The following SV2B variants were observed in gnomAD, a reference collection of about 807,000 sequenced individuals.
SV2B encodes the protein solute carrier family 22 member B2.
SV2B carries 41 observed loss-of-function variants against 73.9 expected under a neutral mutation model. That is an observed-to-expected ratio of 0.56 (90% CI 0.43 to 0.72). The LOEUF (loss-of-function observed/expected upper bound fraction) is 0.72. Ranked by LOEUF, SV2B falls within the 30% of genes least tolerant of loss-of-function variation. The pLI is 0.00. For synonymous variants in SV2B, 314 were observed against 314.2 expected, an observed-to-expected ratio of 1.00 and a Z score of 0.01; for missense variants, 764 against 857.8, an observed-to-expected ratio of 0.89 and a Z score of 1.37.
Position 91,266,653 on chromosome 15 carries a change from C to T in SV2B, c.1080C>T (p.Tyr360=), listed in dbSNP as rs1596737479. ...TCCAAAGTTCAACAGGAACCTGGTA[C>T]CAGCGCTGGCTGGTCAGATTCAAGA... ...IEIQSSTGTW[Y]QRWLVRFKTI... Residue 360 remains tyrosine (Y), a synonymous_variant, in exon 7 of 13, where the codon TAC becomes TAT. Transcript: ENST00000394232. 6.2e-7 allele frequency: 1 copy of T among 1,613,946 alleles called. No homozygotes were observed. The highest frequency in any genetic ancestry group is 1.7e-5 in the Admixed American group (1 of 59,998).
chr15:91,250,768 A>T (rs150433224), intron 2 of SV2B, among the ~76,000 whole-genome samples: 2 of 152,234 alleles, frequency 1.3e-5, no homozygotes, highest in African/African-American at 4.8e-5. Flanking sequence ...AAAGGTCTTT[A>T]TACTGAAAAC....
In SV2B at chr15:91,281,634, C is replaced by G. The variant is rs148288241; in HGVS notation, c.1374-94C>G. Reference sequence around the variant, plus strand: ...AATGCTCTGGCACCTTTTGCTTGCACATCTCCTTTTTCTGCCTTGCTGTGT... The same window carrying G: ...AATGCTCTGGCACCTTTTGCTTGCAGATCTCCTTTTTCTGCCTTGCTGTGT... On this transcript the variant is annotated intron_variant, in intron 9 of 12. Transcript: ENST00000394232. This position sits in a 1 kb window ranked among gnomAD's most constrained non-coding sequence, Gnocchi z 4.7. 56 of 1,425,666 alleles carry G rather than the reference C, an allele frequency of 3.9e-5. No individual in the cohort carries two copies. The African/African-American group carries it at 6.9e-4, about 18-fold the overall frequency. The allele number at this position is 1,425,666 out of a possible 1,614,324, so 88.3% of individuals were successfully genotyped here. A position where few individuals can be genotyped will look rare whatever the true frequency, so the allele number is the denominator to read the frequency against.
At chr15:91,147,627 T>G (rs1221778318) in intron 1 of SV2B, among the ~76,000 whole-genome samples, 1 of 152,208 alleles carries the variant, frequency 6.6e-6, no homozygotes, top group Non-Finnish European at 1.5e-5. Context: ...GCCATAGGCT[T>G]TTGGAACACA....
At position 91,297,935 on chromosome 15, in the gene SV2B, G is replaced by C. The variant is rs1405994321; in HGVS notation, c.*5383G>C. ...CCTGGGGGTTGGTGATCTTTGTTTT[G>C]GCCATTTCCACCTGGTGAAGATTTT... On this transcript the variant is annotated 3_prime_UTR_variant, in exon 13 of 13. Transcript: ENST00000394232. This position sits in a 1 kb window ranked among gnomAD's most constrained non-coding sequence, Gnocchi z 5.1. The C allele has an allele frequency of 6.6e-6, 1 of 152,174 alleles. No individual in the cohort carries two copies. The highest frequency in any genetic ancestry group is 6.5e-5 in the Admixed American group (1 of 15,278). The allele number at this position is 152,174 out of a possible 1,614,324, so 9.4% of individuals were successfully genotyped here.
chr15:91,284,240 C>A lies in SV2B; in HGVS notation c.1708+19C>A. On this transcript the variant is annotated intron_variant, in intron 11 of 12. Transcript: ENST00000394232. The surrounding 1 kb of genome is among the most constrained non-coding windows in gnomAD (Gnocchi z 4.5). Reference sequence around the variant, plus strand: ...ATGATTGGTGAGTTGCCAGCAGGGTCATTCCTGGGTTCCAACGCGCTGGGG... The same window carrying A: ...ATGATTGGTGAGTTGCCAGCAGGGTAATTCCTGGGTTCCAACGCGCTGGGG... 6.2e-7 allele frequency: 1 copy of A among 1,613,610 alleles called. No homozygotes were observed. Among genetic ancestry groups the A allele is most frequent in the South Asian group, 1.1e-5 (1 of 90,914 alleles).
intron 1 of SV2B, among the ~76,000 whole-genome samples, chr15:91,134,333 T>C (rs2042752332): frequency 6.6e-6 from 1 of 152,128 alleles, no homozygotes; most frequent in Admixed American, 6.5e-5. Flanking sequence ...CAACTTCTTC[T>C]TTCCCAGGGA....
chr15:91,256,097 G>GA (rs1001703212), intron 4 of SV2B, among the ~76,000 whole-genome samples: 14 of 150,510 alleles, frequency 9.3e-5, no homozygotes, highest in South Asian at 2.1e-4. Flanking sequence ...GTAAAGCTCA[G>GA]AAAAAAAAAT....
intron 1 of SV2B, among the ~76,000 whole-genome samples, chr15:91,198,241 G>GT: frequency 6.6e-6 from 1 of 152,264 alleles, no homozygotes; most frequent in East Asian, 1.9e-4. Context: ...AAGCTGGGCA[G>GT]TGAGCTCACG....
At chr15:91,213,841 T>G (rs1022176754) in intron 1 of SV2B, among the ~76,000 whole-genome samples, 2 of 152,190 alleles carry the variant, frequency 1.3e-5, no homozygotes, top group African/African-American at 4.8e-5. Context: ...ACCTGAGTCT[T>G]GTTTTCATTT....
At chr15:91,285,260 G>A (rs1324913995) in intron 11 of SV2B, among the ~76,000 whole-genome samples, 2 of 152,190 alleles carry the variant, frequency 1.3e-5, no homozygotes, top group African/African-American at 4.8e-5. Context: ...TGTGACTTCA[G>A]CTTTTTAATC....
chr15:91,263,828 C>A (rs1408828869), intron 6 of SV2B, among the ~76,000 whole-genome samples: 1 of 152,230 alleles, frequency 6.6e-6, no homozygotes, highest in African/African-American at 2.4e-5. Flanking sequence ...CTCCGTGCCC[C>A]TCCTCCCTTT....
chr15:91,198,817 G>A (rs1275997159), intron 1 of SV2B, among the ~76,000 whole-genome samples: 1 of 152,160 alleles, frequency 6.6e-6, no homozygotes, highest in Non-Finnish European at 1.5e-5. Flanking sequence ...CCAGAGTCCT[G>A]TTGCTGTATG....
chr15:91,166,770 T>A (rs2043926143), intron 1 of SV2B, among the ~76,000 whole-genome samples: 1 of 151,962 alleles, frequency 6.6e-6, no homozygotes, highest in Non-Finnish European at 1.5e-5. Flanking sequence ...TAATTTCAGT[T>A]ATTGTAATTT....
In SV2B at chr15:91,137,401, CTTATAA is replaced by C. The variant is rs1180515966; in HGVS notation, c.-392+37044_-392+37049del. Among the ~76,000 whole-genome samples, 11 of 151,910 alleles carry C rather than the reference CTTATAA, an allele frequency of 7.2e-5. No individual in the cohort carries two copies. The highest frequency in any genetic ancestry group is 2.1e-4 in the South Asian group (1 of 4,802). The stretch of plus-strand genomic sequence containing the variant: ...CCACAAAGCTATTATTTATTTTTAA[CTTATAA>C]TTATATTTACAATGGATGAAGCAGT... On this transcript the variant is annotated intron_variant, in intron 1 of 12. Transcript: ENST00000394232. This position sits in a 1 kb window ranked among gnomAD's most constrained non-coding sequence, Gnocchi z 4.9.
chr15:91,119,187 A>G (rs1421603586), intron 1 of SV2B, among the ~76,000 whole-genome samples: 2 of 152,250 alleles, frequency 1.3e-5, no homozygotes, highest in Admixed American at 6.5e-5. Context: ...GCTTTCCCCA[A>G]CGGTAGGAGC....
chr15:91,278,023 G>T (rs1053818046), intron 9 of SV2B, among the ~76,000 whole-genome samples: 1 of 152,188 alleles, frequency 6.6e-6, no homozygotes, highest in African/African-American at 2.4e-5. Context: ...TGAGGCACAA[G>T]AATGTATGTC....
chr15:91,134,864 C>A (rs761216198), intron 1 of SV2B, among the ~76,000 whole-genome samples: 13 of 152,174 alleles, frequency 8.5e-5, no homozygotes, highest in Non-Finnish European at 1.5e-4. Flanking sequence ...GATTGAGTCC[C>A]ACCTATTTTC....
chr15:91,265,614 T>G lies in SV2B; in HGVS notation c.1009-968T>G, dbSNP rs980329575. Among the ~76,000 whole-genome samples, 2 of 152,182 alleles carry G rather than the reference T, an allele frequency of 1.3e-5. No individual in the cohort carries two copies. Among genetic ancestry groups the G allele is most frequent in the Non-Finnish European group, 2.9e-5 (2 of 68,030 alleles). On this transcript the variant is annotated intron_variant, in intron 6 of 12. Transcript: ENST00000394232. The surrounding 1 kb of genome is among the most constrained non-coding windows in gnomAD (Gnocchi z 4.2). ...CTGTAGCTGGGGGTCATAACATCCA[T>G]GAAGGTACTGAATAGCTTGAAGCCC...
Position 91,140,115 on chromosome 15 carries a change from C to G in SV2B, c.-392+39752C>G, listed in dbSNP as rs1246903034. The stretch of plus-strand genomic sequence containing the variant: ...CAGAGGATGGGCCCAGTAGGTGATT[C>G]TGATGTACCGAGTTTGAGAACCACT... On this transcript the variant is annotated intron_variant, in intron 1 of 12. Coordinates refer to ENST00000394232, the MANE Select transcript of SV2B (RefSeq NM_001323032.3). This position sits in a 1 kb window ranked among gnomAD's most constrained non-coding sequence, Gnocchi z 4.4. Among the ~76,000 whole-genome samples the G allele has an allele frequency of 6.6e-6, 1 of 152,184 alleles. No individual in the cohort carries two copies. Among genetic ancestry groups the G allele is most frequent in the Non-Finnish European group, 1.5e-5 (1 of 68,028 alleles).
Sources: allele counts gnomAD v4.1 joint callset (sites outside exome capture counted in the v4.1 genomes callset), GRCh38; gene constraint gnomAD v4.1.1; non-coding constraint Gnocchi (gnomAD v3.1); transcripts MANE v1.5; gene names NCBI Gene and HGNC (gene_info 2026-07-23, HGNC 2026-07-21).